Variants in RNF220 observed in about 807,000 individuals in gnomAD.
The protein encoded by RNF220 is E3 ubiquitin-protein ligase RNF220.
RNF220 carries 7 observed loss-of-function variants against 67.1 expected under a neutral mutation model. The observed-to-expected ratio is 0.10, with a 90% confidence interval of 0.06 to 0.20. RNF220 has a LOEUF of 0.20. RNF220 is among the 10% of genes least tolerant of loss of function. The probability of loss-of-function intolerance (pLI) is 1.00; values close to 1 mark genes in which losing one functional copy is unlikely to be tolerated. For missense variants in RNF220, 565 were observed against 740.3 expected, an observed-to-expected ratio of 0.76 and a Z score of 2.75; for synonymous variants, 270 against 283.2, an observed-to-expected ratio of 0.95 and a Z score of 0.47.
At chr1:44,406,664 G>C (rs564791856) in intron 1 of RNF220, among the ~76,000 whole-genome samples, 1 of 152,260 alleles carries the variant, frequency 6.6e-6, no homozygotes, top group South Asian at 2.1e-4. Flanking sequence ...ACCGCACTCC[G>C]GAGCCTCCGG....
chr1:44,547,029 ATGT>A (rs1395102810), intron 2 of RNF220, among the ~76,000 whole-genome samples: 1 of 152,228 alleles, frequency 6.6e-6, no homozygotes, highest in African/African-American at 2.4e-5. Flanking sequence ...CAAGGTGTTC[ATGT>A]TGTCACACAT....
intron 2 of RNF220, among the ~76,000 whole-genome samples, chr1:44,475,000 T>C (rs953742861): frequency 6.6e-6 from 1 of 151,936 alleles, no homozygotes; most frequent in Non-Finnish European, 1.5e-5. Context: ...ATTTTTTTTT[T>C]CTATGAAAGC....
rs1272646916 is a variant in RNF220, at chr1:44,622,272, T to G, written c.759-470T>G. Among the ~76,000 whole-genome samples, 1 of 152,064 alleles carries G rather than the reference T, an allele frequency of 6.6e-6. No homozygotes were observed. The highest frequency in any genetic ancestry group is 1.5e-5 in the Non-Finnish European group (1 of 68,014). On this transcript the variant is annotated intron_variant, in intron 3 of 14. Transcript: ENST00000361799. This position sits in a 1 kb window ranked among gnomAD's most constrained non-coding sequence, Gnocchi z 4.3. Reference sequence around the variant, plus strand: ...GCCGGAGGGCCTGGGGCTGACAAATTGAATCAGGGGGAGATCATTCCTGGC... The same window carrying G: ...GCCGGAGGGCCTGGGGCTGACAAATGGAATCAGGGGGAGATCATTCCTGGC...
At chr1:44,543,243 C>T (rs975093495) in intron 2 of RNF220, among the ~76,000 whole-genome samples, 4 of 152,070 alleles carry the variant, frequency 2.6e-5, no homozygotes, top group African/African-American at 7.2e-5. Flanking sequence ...CCCTTCCCTC[C>T]GGTTGAGCAG....
intron 2 of RNF220, among the ~76,000 whole-genome samples, chr1:44,551,315 A>G (rs1662611434): frequency 2.0e-5 from 3 of 151,846 alleles, no homozygotes; most frequent in African/African-American, 7.3e-5. Context: ...TGGTTTCACC[A>G]TGTTGGCCAG....
chr1:44,529,368 A>AAAC (rs1660655063), intron 2 of RNF220, among the ~76,000 whole-genome samples: 9 of 134,808 alleles, frequency 6.7e-5, no homozygotes, highest in Non-Finnish European at 1.4e-4. Context: ...CACACACACA[A>AAAC]ACACACACAC....
intron 2 of RNF220, among the ~76,000 whole-genome samples, chr1:44,450,906 C>T (rs1652600994): frequency 6.6e-6 from 1 of 152,072 alleles, no homozygotes; most frequent in East Asian, 1.9e-4. Context: ...GTACTTGGCC[C>T]CACGTGGTGG....
chr1:44,517,717 A>T (rs1314520909), intron 2 of RNF220, among the ~76,000 whole-genome samples: 1 of 152,228 alleles, frequency 6.6e-6, no homozygotes, highest in Non-Finnish European at 1.5e-5. Context: ...AGTAGAGAGT[A>T]AGCACTTAAA....
chr1:44,450,198 G>A (rs995664070), intron 2 of RNF220, among the ~76,000 whole-genome samples: 3 of 151,830 alleles, frequency 2.0e-5, no homozygotes, highest in African/African-American at 7.3e-5. Flanking sequence ...CAACAAGAGC[G>A]AAACTCCGTG....
chr1:44,629,635 C>T (rs1165104580), intron 5 of RNF220, among the ~76,000 whole-genome samples: 1 of 151,964 alleles, frequency 6.6e-6, no homozygotes, highest in African/African-American at 2.4e-5. Flanking sequence ...GCCAGGAGTT[C>T]AAGACCAGCC....
At chr1:44,631,542 G>A (rs1644121039) in intron 5 of RNF220, among the ~76,000 whole-genome samples, 1 of 152,250 alleles carries the variant, frequency 6.6e-6, no homozygotes, top group South Asian at 2.1e-4. Context: ...AGCTCCAGGG[G>A]CCGTGCAGCA....
At chr1:44,506,882 C>A (rs915447819) in intron 2 of RNF220, among the ~76,000 whole-genome samples, 15 of 152,176 alleles carry the variant, frequency 9.9e-5, no homozygotes, top group African/African-American at 3.6e-4. Flanking sequence ...TCAAAAGTAG[C>A]TAATGAGTGA....
intron 2 of RNF220, among the ~76,000 whole-genome samples, chr1:44,502,068 C>CTTTGTA (rs1657956322): frequency 1.0e-5 from 1 of 95,432 alleles, no homozygotes; most frequent in Non-Finnish European, 2.4e-5. Context: ...CACACACACA[C>CTTTGTA]ACACACACAC....
At chr1:44,647,407 A>G (rs959407577) in intron 12 of RNF220, among the ~76,000 whole-genome samples, 13 of 152,150 alleles carry the variant, frequency 8.5e-5, no homozygotes, top group Non-Finnish European at 1.8e-4. Flanking sequence ...AATGCCAGGG[A>G]AGGAGCCTGC....
Position 44,542,666 on chromosome 1 carries a change from G to A in RNF220, c.626-71499G>A, listed in dbSNP as rs367856337. Among the ~76,000 whole-genome samples the A allele has an allele frequency of 3.3e-5, 5 of 152,270 alleles. No individual in the cohort carries two copies. The East Asian group carries it at 7.7e-4, about 24-fold the overall frequency. Reference sequence around the variant, plus strand: ...TGGGGGCTGCACTTCAGGGTGATCCGTAACTCACTCTGACATCTGAACAGA... The same window carrying A: ...TGGGGGCTGCACTTCAGGGTGATCCATAACTCACTCTGACATCTGAACAGA... On this transcript the variant is annotated intron_variant, in intron 2 of 14. Coordinates refer to ENST00000361799, the MANE Select transcript of RNF220 (RefSeq NM_018150.4).
intron 2 of RNF220, among the ~76,000 whole-genome samples, chr1:44,525,125 A>G (rs1159002110): frequency 2.0e-5 from 3 of 152,246 alleles, no homozygotes; most frequent in Non-Finnish European, 2.9e-5. Flanking sequence ...AAAGAAAAAA[A>G]ATCTTTATTG....
intron 2 of RNF220, among the ~76,000 whole-genome samples, chr1:44,544,847 A>G (rs1031570076): frequency 6.6e-5 from 10 of 152,192 alleles, no homozygotes; most frequent in African/African-American, 2.4e-4. Context: ...AGGATTTCTG[A>G]TTTCCAGGAG....
chr1:44,547,064 G>A (rs988239828), intron 2 of RNF220, among the ~76,000 whole-genome samples: 2 of 152,184 alleles, frequency 1.3e-5, no homozygotes, highest in Non-Finnish European at 2.9e-5. Context: ...CTTCCTCCAG[G>A]GTGCCTGGCA....
chr1:44,580,993 C>T (rs1665235213), intron 2 of RNF220, among the ~76,000 whole-genome samples: 1 of 152,216 alleles, frequency 6.6e-6, no homozygotes, highest in Admixed American at 6.5e-5. Flanking sequence ...ATGCCCAGAG[C>T]CAGAGTCTGG....
Sources: allele counts gnomAD v4.1 joint callset (sites outside exome capture counted in the v4.1 genomes callset), GRCh38; gene constraint gnomAD v4.1.1; non-coding constraint Gnocchi (gnomAD v3.1); transcripts MANE v1.5; gene names NCBI Gene and HGNC (gene_info 2026-07-23, HGNC 2026-07-21).